The following FTO variants were observed in gnomAD, a reference collection of about 807,000 sequenced individuals.
FTO encodes FTO alpha-ketoglutarate dependent dioxygenase.
In FTO, 47 loss-of-function variants were observed where a neutral mutation model predicts 63.9. That is an observed-to-expected ratio of 0.74 (90% CI 0.58 to 0.94). The LOEUF (loss-of-function observed/expected upper bound fraction) is 0.94, where lower values mean the gene tolerates loss of function less well. Among genes scored for constraint, FTO ranks in the 40% least tolerant of loss-of-function variants. The pLI is 0.00. For synonymous variants in FTO, 207 were observed against 224.4 expected (o/e 0.92, Z 0.69); for missense variants, 562 against 618.1 (o/e 0.91, Z 0.96).
intron 8 of FTO, among the ~76,000 whole-genome samples, chr16:54,084,803 G>C (rs1175285769): frequency 1.3e-5 from 2 of 152,156 alleles, no homozygotes; most frequent in East Asian, 1.9e-4. Flanking sequence ...TGCTGAGAGG[G>C]GGTAATGGCA....
intron 8 of FTO, among the ~76,000 whole-genome samples, chr16:54,107,855 T>C (rs1208736971): frequency 6.6e-6 from 1 of 152,246 alleles, no homozygotes; most frequent in African/African-American, 2.4e-5. Context: ...TAATTGTTCA[T>C]AGGCCAGGAG....
intron 1 of FTO, among the ~76,000 whole-genome samples, chr16:53,756,811 A>T (rs1267150360): frequency 6.6e-6 from 1 of 152,220 alleles, no homozygotes; most frequent in Non-Finnish European, 1.5e-5. Context: ...AAGTCCATTC[A>T]GCTGGAAAAA....
At chr16:53,919,888 A>T (rs1002275391) in intron 7 of FTO, among the ~76,000 whole-genome samples, 1 of 152,186 alleles carries the variant, frequency 6.6e-6, no homozygotes, top group Non-Finnish European at 1.5e-5. Context: ...TACAGTGTAC[A>T]CTGCTCAGGT....
intron 1 of FTO, among the ~76,000 whole-genome samples, chr16:53,765,455 T>C (rs2077177280): frequency 6.7e-6 from 1 of 150,090 alleles, no homozygotes. Flanking sequence ...CTCGGGAGGC[T>C]GAAGCAGGAG....
chr16:54,042,016 C>G (rs1337841475), intron 8 of FTO, among the ~76,000 whole-genome samples: 1 of 152,156 alleles, frequency 6.6e-6, no homozygotes, highest in Non-Finnish European at 1.5e-5. Context: ...AAATGTAGAA[C>G]CTGGCTGTGA....
chr16:54,051,459 C>A (rs1174339230), intron 8 of FTO, among the ~76,000 whole-genome samples: 1 of 152,232 alleles, frequency 6.6e-6, no homozygotes, highest in Non-Finnish European at 1.5e-5. Context: ...GGACAGTTGT[C>A]CTGGCTGGGC....
chr16:54,014,421 C>T (rs542508202), intron 8 of FTO, among the ~76,000 whole-genome samples: 2 of 152,168 alleles, frequency 1.3e-5, no homozygotes, highest in East Asian at 1.9e-4. Flanking sequence ...CTTCCTTTCT[C>T]TCTCTCCGTG....
At chr16:53,920,906 C>T (rs1038711672) in intron 7 of FTO, among the ~76,000 whole-genome samples, 2 of 152,116 alleles carry the variant, frequency 1.3e-5, no homozygotes, top group African/African-American at 2.4e-5. Context: ...CTTCACTCTC[C>T]TGAGCAGATA....
intron 8 of FTO, among the ~76,000 whole-genome samples, chr16:54,004,393 T>C (rs1461069758): frequency 4.5e-5 from 1 of 22,242 alleles, no homozygotes; most frequent in African/African-American, 5.4e-4. Flanking sequence ...ACCCTGCAAA[T>C]AAATAAATAA....
At chr16:54,088,402 G>T (rs1375452870) in intron 8 of FTO, among the ~76,000 whole-genome samples, 3 of 152,120 alleles carry the variant, frequency 2.0e-5, no homozygotes, top group Admixed American at 6.5e-5. Flanking sequence ...AAGCAATTCT[G>T]CAAAATGTCA....
rs1361911078 is a variant in FTO at position 54,120,383 on chromosome 16, C to A, written c.*8468C>A. 1.3e-5 allele frequency: 2 copies of A among 152,232 alleles called. No individual in the cohort carries two copies. Among genetic ancestry groups the A allele is most frequent in the Non-Finnish European group, 2.9e-5 (2 of 68,056 alleles). 9.4% of individuals were successfully genotyped at this position (152,232 alleles called of 1,614,324 possible). On this transcript the variant is annotated 3_prime_UTR_variant, in exon 9 of 9. Coordinates refer to ENST00000471389, the MANE Select transcript of FTO (RefSeq NM_001080432.3). ...TGTTGATTCCTTCCGGAATGTCAGA[C>A]TCTGCTAGCAACACAAGGTCCCTGT...
rs118139447 is a variant in FTO at position 54,091,249 on chromosome 16, G to T, written c.1365-20513G>T. Among the ~76,000 whole-genome samples, 49 of 152,234 alleles carry T rather than the reference G, an allele frequency of 3.2e-4. 2 individuals are homozygous for T. In the East Asian group the frequency reaches 9.5e-3, roughly 29 times the overall value. ...CAACAGATAATATCTAAAATTAATCGATCAAGAAATGGTATGCCGGTACAG... is the reference window on the plus strand; with the variant it reads ...CAACAGATAATATCTAAAATTAATCTATCAAGAAATGGTATGCCGGTACAG... On this transcript the variant is annotated intron_variant, in intron 8 of 8. Transcript: ENST00000471389.
intron 8 of FTO, among the ~76,000 whole-genome samples, chr16:54,017,267 A>G (rs1004142838): frequency 1.3e-5 from 2 of 152,212 alleles, no homozygotes; most frequent in Admixed American, 1.3e-4. Context: ...TTGCTGCAGA[A>G]ATGTAGATTG....
chr16:53,887,622 A>G (rs1477535955), intron 6 of FTO, among the ~76,000 whole-genome samples: 7 of 152,242 alleles, frequency 4.6e-5, no homozygotes, highest in African/African-American at 1.7e-4. Flanking sequence ...GAGCATAAAC[A>G]TGATGCTCAA....
At chr16:53,905,672 A>G (rs1008665879) in intron 7 of FTO, among the ~76,000 whole-genome samples, 1 of 152,004 alleles carries the variant, frequency 6.6e-6, no homozygotes, top group Non-Finnish European at 1.5e-5. Flanking sequence ...GAGAGTATTT[A>G]TCACTGTCCG....
At chr16:53,953,292 T>C (rs1421155808) in intron 8 of FTO, among the ~76,000 whole-genome samples, 1 of 152,242 alleles carries the variant, frequency 6.6e-6, no homozygotes, top group Non-Finnish European at 1.5e-5. Flanking sequence ...AGCATTTGGC[T>C]CTGGAAAGTA....
intron 8 of FTO, among the ~76,000 whole-genome samples, chr16:54,062,105 A>G (rs1259737284): frequency 2.0e-5 from 3 of 152,270 alleles, no homozygotes; most frequent in Admixed American, 1.3e-4. Context: ...AAGCCTGCAC[A>G]GGAACGTGCA....
intron 8 of FTO, among the ~76,000 whole-genome samples, chr16:54,035,295 C>A (rs856976): frequency 0.51 from 77,730 of 152,086 alleles, 21,618 homozygotes; most frequent in African/African-American, 0.73. Flanking sequence ...GAAACCCCTA[C>A]GAGGCTCCTT....
chr16:53,814,385 C>T (rs572019626), intron 2 of FTO, among the ~76,000 whole-genome samples: 1 of 152,234 alleles, frequency 6.6e-6, no homozygotes, highest in East Asian at 1.9e-4. Context: ...TAGCTGTGTG[C>T]CAGGTTGTTC....
Sources: gnomAD v4.1 joint callset for allele counts (sites outside exome capture counted in the v4.1 genomes callset) on GRCh38, gnomAD v4.1.1 for gene constraint, MANE v1.5 for transcripts, NCBI Gene and HGNC (gene_info 2026-07-23, HGNC 2026-07-21) for gene names.